The following SPP2 variants were observed in gnomAD, a reference collection of about 807,000 sequenced individuals.
The protein encoded by SPP2 is secreted phosphoprotein 2, also known as secreted phosphoprotein 24.
A neutral mutation model predicts 28.8 loss-of-function variants in SPP2; 34 were observed. The ratio of observed to expected loss-of-function variants is 1.18; its 90% CI spans 0.90 to 1.57. The LOEUF (loss-of-function observed/expected upper bound fraction) is 1.57, where lower values mean the gene tolerates loss of function less well. SPP2 is among the 40% of genes most tolerant of loss of function. The probability of loss-of-function intolerance (pLI) is 0.00; values close to 1 mark genes in which losing one functional copy is unlikely to be tolerated. For missense variants in SPP2, 269 were observed against 263.9 expected (o/e 1.02, Z -0.13); for synonymous variants, 96 against 89.4 (o/e 1.07, Z -0.42).
At chr2:234,054,743 C>A (rs998569319) in intron 2 of SPP2, among the ~76,000 whole-genome samples, 4 of 152,120 alleles carry the variant, frequency 2.6e-5, no homozygotes, top group African/African-American at 9.7e-5. Flanking sequence ...GACAAACAGT[C>A]CATTGCAATC....
chr2:234,055,604 C>T (rs1322504274), intron 2 of SPP2, among the ~76,000 whole-genome samples: 1 of 151,244 alleles, frequency 6.6e-6, no homozygotes, highest in Non-Finnish European at 1.5e-5. Context: ...AAATAAAAAC[C>T]AAAATGTAAT....
chr2:234,068,380 T>C (rs1375812874), intron 6 of SPP2, among the ~76,000 whole-genome samples: 1 of 152,230 alleles, frequency 6.6e-6, no homozygotes, highest in Non-Finnish European at 1.5e-5. Context: ...TAATCAGATT[T>C]GTCAGAATCT....
At chr2:234,074,209 G>A (rs1384554192) in intron 7 of SPP2, among the ~76,000 whole-genome samples, 1 of 151,978 alleles carries the variant, frequency 6.6e-6, no homozygotes, top group Non-Finnish European at 1.5e-5. Flanking sequence ...AGTATGAGAG[G>A]GCAAAACTTC....
In SPP2 at chr2:234,051,050, A is replaced by G. The variant is rs202033706; in HGVS notation, c.165A>G (p.Ser55=). The part of the protein sequence containing the change: ...SASVVKVNSQ[S]LSPYLFRAFR... ...CTGTGGTAAAAGTGAATTCCCAGTC[A>G]CTGAGTCCGTATCTGTTTCGGGCAT... The change falls in exon 2 of 8, where the codon TCA becomes TCG. Residue 55 remains serine (S), a synonymous_variant. Coordinates refer to ENST00000168148, the MANE Select transcript of SPP2 (RefSeq NM_006944.3). 6 of 1,613,852 alleles carry G rather than the reference A, an allele frequency of 3.7e-6. No homozygotes were observed. Among genetic ancestry groups the G allele is most frequent in the Middle Eastern group, 1.6e-4 (1 of 6,078 alleles).
At chr2:234,067,195 CT>C in intron 5 of SPP2, 28 bp from the exon 6 acceptor site, 2 of 1,604,150 alleles carry the variant, frequency 1.2e-6, no homozygotes, top group South Asian at 2.2e-5. Flanking sequence ...TGAGAGGAGT[CT>C]TGTCTTATGA....
At chr2:234,060,500 C>A (rs764087643) in intron 4 of SPP2, 21 bp downstream of exon 4, 3 of 1,583,480 alleles carry the variant, frequency 1.9e-6, no homozygotes, top group Non-Finnish European at 2.6e-6. Flanking sequence ...GGCCTTGTCT[C>A]CTCCCAGACC....
intron 4 of SPP2, among the ~76,000 whole-genome samples, chr2:234,063,743 T>G (rs1421273381): frequency 1.3e-5 from 2 of 152,084 alleles, no homozygotes; most frequent in African/African-American, 4.8e-5. Context: ...AGGTTGGAGC[T>G]CTCTTTCTCT....
intron 2 of SPP2, among the ~76,000 whole-genome samples, chr2:234,052,687 A>G (rs1226388816): frequency 2.0e-5 from 3 of 152,124 alleles, no homozygotes; most frequent in Admixed American, 1.3e-4. Flanking sequence ...CCTCAAGTAC[A>G]CTGCTCCTTT....
At chr2:234,058,703 T>C (rs1242662831) in intron 2 of SPP2, 133 bp from the exon 3 acceptor site, 13 of 1,043,358 alleles carry the variant, frequency 1.2e-5, no homozygotes, top group Non-Finnish European at 1.7e-5. Flanking sequence ...AACTAGGTGA[T>C]TGCTAAGATA....
At chr2:234,073,570 A>AT (rs907084844) in intron 7 of SPP2, among the ~76,000 whole-genome samples, 2 of 152,098 alleles carry the variant, frequency 1.3e-5, no homozygotes, top group African/African-American at 4.8e-5. Context: ...AATACTCTGA[A>AT]TTTTTTTCTT....
At position 234,051,062 on chromosome 2, in the gene SPP2, T is replaced by A; in HGVS notation, c.177T>A (p.Tyr59Ter). The A allele has an allele frequency of 2.5e-6, 4 of 1,614,006 alleles. No individual in the cohort carries two copies. The highest frequency in any genetic ancestry group is 3.4e-6 in the Non-Finnish European group (4 of 1,179,930). The change falls in exon 2 of 8, where the codon TAT (tyrosine) becomes TAA (stop). Residue 59 changes from tyrosine (Y) to a stop codon, truncating the protein, a stop_gained. Coordinates refer to ENST00000168148, the MANE Select transcript of SPP2 (RefSeq NM_006944.3). LOFTEE classifies it high-confidence loss of function. ...TGAATTCCCAGTCACTGAGTCCGTA[T>A]CTGTTTCGGGCATTCAGAAGCTCAT... ...VKVNSQSLSP[Y>*]LFRAFRSSLK...
rs147512760 is a variant in SPP2, at chr2:234,064,712, A to G, written c.445-1821A>G. 2.7e-3 allele frequency among the ~76,000 whole-genome samples: 411 copies of G among 152,258 alleles called. 2 individuals are homozygous for G. Among genetic ancestry groups the G allele is most frequent in the African/African-American group, 9.4e-3 (392 of 41,544 alleles). On this transcript the variant is annotated intron_variant, in intron 4 of 7. Transcript: ENST00000168148. ...GAGACCCCAGTAACAGTTGTTCTCT[A>G]TTCCTCATTCCTCCTAACACTTGGC...
intron 6 of SPP2, among the ~76,000 whole-genome samples, chr2:234,069,668 C>T (rs1693894544): frequency 2.6e-5 from 4 of 152,128 alleles, no homozygotes; most frequent in African/African-American, 9.7e-5. Context: ...CCAGGGCATC[C>T]ATGGTGGCTG....
At chr2:234,052,666 T>A (rs1214474775) in intron 2 of SPP2, among the ~76,000 whole-genome samples, 1 of 152,200 alleles carries the variant, frequency 6.6e-6, no homozygotes, top group Non-Finnish European at 1.5e-5. Context: ...ATGAAAAATG[T>A]TGCCTCTCCA....
At chr2:234,070,082 G>A (rs1574835726) in intron 7 of SPP2, 59 bp downstream of exon 7, 4 of 1,374,726 alleles carry the variant, frequency 2.9e-6, no homozygotes, top group Non-Finnish European at 4.1e-6. Flanking sequence ...TGGAGTGAAC[G>A]CCTTAAAACT....
intron 7 of SPP2, among the ~76,000 whole-genome samples, chr2:234,070,814 C>A (rs979153856): frequency 3.9e-5 from 6 of 152,156 alleles, no homozygotes; most frequent in Admixed American, 3.3e-4. Flanking sequence ...TAGTTTAATT[C>A]TTTCCCTATG....
At chr2:234,075,426 T>C (rs904553036) in intron 7 of SPP2, among the ~76,000 whole-genome samples, 23 of 152,138 alleles carry the variant, frequency 1.5e-4, no homozygotes, top group African/African-American at 5.6e-4. Context: ...ACCGCCCTGC[T>C]CTGTAGCCAC....
At chr2:234,053,471 A>G (rs1693541293) in intron 2 of SPP2, among the ~76,000 whole-genome samples, 1 of 151,972 alleles carries the variant, frequency 6.6e-6, no homozygotes, top group Non-Finnish European at 1.5e-5. Flanking sequence ...ACTACACATC[A>G]TCATTGCACG....
chr2:234,052,941 A>G (rs545813403), intron 2 of SPP2, among the ~76,000 whole-genome samples: 49 of 152,298 alleles, frequency 3.2e-4, no homozygotes, highest in African/African-American at 1.2e-3. Context: ...CTCCAAATAT[A>G]CCAATTCTCT....
Sources: allele counts gnomAD v4.1 joint callset (sites outside exome capture counted in the v4.1 genomes callset), GRCh38; gene constraint gnomAD v4.1.1; transcripts MANE v1.5; gene names NCBI Gene and HGNC (gene_info 2026-07-23, HGNC 2026-07-21).